SORCS1: variants seen among roughly 807,000 people sequenced by gnomAD.
The protein encoded by SORCS1 is sortilin related VPS10 domain containing receptor 1, also known as VPS10 domain-containing receptor SorCS1.
In SORCS1, 60 loss-of-function variants were observed where a neutral mutation model predicts 146.1. That is an observed-to-expected ratio of 0.41 (90% CI 0.33 to 0.51). SORCS1 has a LOEUF of 0.51. Among genes scored for constraint, SORCS1 ranks in the 20% least tolerant of loss-of-function variants. The pLI, the probability that SORCS1 is intolerant of heterozygous loss-of-function variation, is 0.21. For missense variants in SORCS1, 1,352 were observed against 1,487.6 expected (o/e 0.91, Z 1.50); for synonymous variants, 637 against 584.0 (o/e 1.09, Z -1.31).
rs66699179 is a variant in SORCS1, at chr10:106,602,512, AACACAC to A, written c.3165+4648_3165+4653del. On this transcript the variant is annotated intron_variant, in intron 23 of 25. Coordinates refer to ENST00000263054, the MANE Select transcript of SORCS1 (RefSeq NM_052918.5). ...CAGTAGCTCAATTTCATTCCTTCAT[AACACAC>A]ACACACACACACACACACACACACA... 1.8e-3 allele frequency among the ~76,000 whole-genome samples: 254 copies of A among 138,848 alleles called. 1 individual carries two copies. Among genetic ancestry groups the A allele is most frequent in the African/African-American group, 5.7e-3 (211 of 37,290 alleles). 91.1% of individuals were successfully genotyped at this position (138,848 alleles called of 152,430 possible).
At chr10:106,734,529 T>C (rs1856815748) in intron 5 of SORCS1, among the ~76,000 whole-genome samples, 1 of 152,206 alleles carries the variant, frequency 6.6e-6, no homozygotes, top group Admixed American at 6.5e-5. Context: ...GCCAGGCACC[T>C]GCATGCCACA....
intron 19 of SORCS1, among the ~76,000 whole-genome samples, chr10:106,623,148 G>C (rs1167052506): frequency 2.6e-5 from 4 of 151,464 alleles, no homozygotes; most frequent in Non-Finnish European, 5.9e-5. Context: ...CTCAATCTGC[G>C]TTAAATGAAT....
At chr10:106,607,836 CACCTA>C (rs745963870) in intron 22 of SORCS1, among the ~76,000 whole-genome samples, 1 of 152,108 alleles carries the variant, frequency 6.6e-6, no homozygotes, top group Non-Finnish European at 1.5e-5. Context: ...ACATCCTAAC[CACCTA>C]ACCTAAGAGG....
chr10:107,054,099 G>A (rs1018247244), intron 1 of SORCS1, among the ~76,000 whole-genome samples: 36 of 152,220 alleles, frequency 2.4e-4, no homozygotes, highest in South Asian at 4.1e-4. Context: ...ATCAAGTGTC[G>A]AAGGCTACCG....
intron 2 of SORCS1, among the ~76,000 whole-genome samples, chr10:106,842,989 T>C (rs1384733800): frequency 6.6e-6 from 1 of 152,210 alleles, no homozygotes; most frequent in African/African-American, 2.4e-5. Flanking sequence ...TTGACAAATG[T>C]AATTGTATTT....
rs917944661 is a variant in SORCS1, at chr10:106,574,087, G to A, written c.*3333C>T. ...AATTGGCTTCCTATAAAAATAAGTC[G>A]GCAAATGAGAGATTTCAATGCTCAG... On this transcript the variant is annotated 3_prime_UTR_variant, in exon 26 of 26. Transcript: ENST00000263054. 7 of 150,470 alleles carry A rather than the reference G, an allele frequency of 4.7e-5. No homozygotes were observed. Among genetic ancestry groups the A allele is most frequent in the African/African-American group, 1.5e-4 (6 of 40,760 alleles). The allele number at this position is 150,470 out of a possible 1,614,324, so 9.3% of individuals were successfully genotyped here.
At chr10:106,729,994 A>G in intron 6 of SORCS1, 56 bp downstream of exon 6, 2 of 1,541,448 alleles carry the variant, frequency 1.3e-6, no homozygotes, top group Non-Finnish European at 9.0e-7. Context: ...TCAGTTCATG[A>G]CAGAGTCATA....
intron 3 of SORCS1, among the ~76,000 whole-genome samples, chr10:106,791,925 C>G (rs940584091): frequency 6.6e-6 from 1 of 152,094 alleles, no homozygotes; most frequent in African/African-American, 2.4e-5. Context: ...CTTTTTCCCT[C>G]CCTTTTATCC....
At chr10:106,718,309 A>G (rs183385738) in intron 6 of SORCS1, among the ~76,000 whole-genome samples, 14 of 152,350 alleles carry the variant, frequency 9.2e-5, no homozygotes, top group African/African-American at 2.2e-4. Flanking sequence ...AGCACATCAC[A>G]TAACTTTCTG....
At chr10:106,691,860 T>C (rs1368357595) in intron 9 of SORCS1, among the ~76,000 whole-genome samples, 3 of 152,208 alleles carry the variant, frequency 2.0e-5, no homozygotes, top group African/African-American at 7.2e-5. Context: ...TCAATATTCC[T>C]GTAAACATCT....
At chr10:107,125,536 A>C (rs1364543590) in intron 1 of SORCS1, among the ~76,000 whole-genome samples, 1 of 152,218 alleles carries the variant, frequency 6.6e-6, no homozygotes, top group Non-Finnish European at 1.5e-5. Context: ...CAATTTTTGC[A>C]TACAGAAGAC....
At position 107,034,626 on chromosome 10, in the gene SORCS1, G is replaced by A. The variant is rs186764507; in HGVS notation, c.559-78046C>T. On this transcript the variant is annotated intron_variant, in intron 1 of 25. Coordinates refer to ENST00000263054, the MANE Select transcript of SORCS1 (RefSeq NM_052918.5). ...ACCTGGGAGGCACAGGTTGCAGTGA[G>A]CCGAGATCCCACCATTGCACTCCAG... Among the ~76,000 whole-genome samples, 96 of 123,906 alleles carry A rather than the reference G, an allele frequency of 7.7e-4. No individual in the cohort carries two copies. In the East Asian group the frequency reaches 0.026, roughly 34 times the overall value. 81.3% of individuals were successfully genotyped at this position (123,906 alleles called of 152,430 possible).
intron 22 of SORCS1, among the ~76,000 whole-genome samples, chr10:106,607,822 C>G (rs988525800): frequency 3.9e-5 from 6 of 152,240 alleles, no homozygotes; most frequent in African/African-American, 1.4e-4. Context: ...CAAATAGACC[C>G]ACCACATCCT....
chr10:106,920,299 T>C (rs1426735826), intron 2 of SORCS1, among the ~76,000 whole-genome samples: 2 of 152,238 alleles, frequency 1.3e-5, no homozygotes, highest in African/African-American at 4.8e-5. Context: ...GGTCTTTCTT[T>C]AGGTTTTCTT....
intron 17 of SORCS1, among the ~76,000 whole-genome samples, chr10:106,656,859 G>A (rs899845346): frequency 1.3e-5 from 2 of 152,190 alleles, no homozygotes; most frequent in African/African-American, 4.8e-5. Context: ...GAATTATGGG[G>A]ATCAGTTTGT....
At chr10:106,834,553 A>G (rs918538882) in intron 2 of SORCS1, among the ~76,000 whole-genome samples, 8 of 152,210 alleles carry the variant, frequency 5.3e-5, no homozygotes, top group Non-Finnish European at 2.9e-5. Flanking sequence ...AGACAAAGAA[A>G]AAAAAAGAAA....
chr10:106,623,328 T>A (rs574094915), intron 19 of SORCS1, among the ~76,000 whole-genome samples: 1 of 150,358 alleles, frequency 6.7e-6, no homozygotes, highest in Non-Finnish European at 1.5e-5. Context: ...TTGCAACCTC[T>A]GCCTCCCAGG....
At chr10:107,038,513 G>T (rs559901364) in intron 1 of SORCS1, among the ~76,000 whole-genome samples, 2 of 152,062 alleles carry the variant, frequency 1.3e-5, no homozygotes, top group Non-Finnish European at 2.9e-5. Context: ...CACATTGTGC[G>T]CACGTACCCT....
chr10:107,155,813 G>C (rs973583912), intron 1 of SORCS1, among the ~76,000 whole-genome samples: 2 of 152,086 alleles, frequency 1.3e-5, no homozygotes, highest in African/African-American at 4.8e-5. Context: ...CAATCTATTG[G>C]TTCCAGGGCA....
Sources: allele counts gnomAD v4.1 joint callset (sites outside exome capture counted in the v4.1 genomes callset), GRCh38; gene constraint gnomAD v4.1.1; transcripts MANE v1.5; gene names NCBI Gene and HGNC (gene_info 2026-07-23, HGNC 2026-07-21).